NCK2: variants seen among roughly 807,000 people sequenced by gnomAD.
The protein encoded by NCK2 is NCK adaptor protein 2.
NCK2 carries 16 observed loss-of-function variants against 33.9 expected under a neutral mutation model. That is an observed-to-expected ratio of 0.47 (90% CI 0.32 to 0.72). The LOEUF is 0.72. Among genes scored for constraint, NCK2 ranks in the 30% least tolerant of loss-of-function variants. The pLI is 0.03. For missense variants in NCK2, 418 were observed against 537.3 expected, an observed-to-expected ratio of 0.78 and a Z score of 2.19; for synonymous variants, 273 against 239.9, an observed-to-expected ratio of 1.14 and a Z score of -1.27.
At chr2:105,789,990 A>G (rs1042651494) in intron 1 of NCK2, among the ~76,000 whole-genome samples, 6 of 152,238 alleles carry the variant, frequency 3.9e-5, no homozygotes, top group African/African-American at 1.4e-4. Flanking sequence ...ATCAGAGTCC[A>G]ACACTAGCGT....
At chr2:105,876,463 A>G (rs1176641178) in intron 3 of NCK2, among the ~76,000 whole-genome samples, 2 of 152,192 alleles carry the variant, frequency 1.3e-5, no homozygotes, top group African/African-American at 4.8e-5. Context: ...GGCTCCAGGG[A>G]CATGCTAGCG....
chr2:105,867,787 C>A (rs1007251289), intron 3 of NCK2, among the ~76,000 whole-genome samples: 6 of 152,204 alleles, frequency 3.9e-5, no homozygotes, highest in Admixed American at 2.0e-4. Flanking sequence ...GATGATCTCA[C>A]CCTGCTTCAG....
chr2:105,784,439 A>T (rs1455031044), intron 1 of NCK2, among the ~76,000 whole-genome samples: 3 of 152,228 alleles, frequency 2.0e-5, no homozygotes, highest in African/African-American at 7.2e-5. Context: ...ACAGCCTTTC[A>T]GGCTAGTAAG....
At chr2:105,859,286 G>T (rs1677419383) in intron 3 of NCK2, among the ~76,000 whole-genome samples, 1 of 152,094 alleles carries the variant, frequency 6.6e-6, no homozygotes, top group Non-Finnish European at 1.5e-5. Flanking sequence ...AGGCTTAAGG[G>T]CTGACTCACA....
chr2:105,835,405 A>ATATATATATATG (rs70953537), intron 2 of NCK2, among the ~76,000 whole-genome samples: 3 of 37,960 alleles, frequency 7.9e-5, no homozygotes, highest in African/African-American at 2.0e-4. Flanking sequence ...ATATATATAT[A>ATATATATATATG]CGTGTATATA....
At chr2:105,795,421 T>G (rs541823514) in intron 1 of NCK2, among the ~76,000 whole-genome samples, 29 of 152,264 alleles carry the variant, frequency 1.9e-4, no homozygotes, top group African/African-American at 2.2e-4. Flanking sequence ...TGAGTTAAAC[T>G]GAATGGGCCT....
At chr2:105,873,667 T>G (rs192947412) in intron 3 of NCK2, among the ~76,000 whole-genome samples, 34 of 152,126 alleles carry the variant, frequency 2.2e-4, no homozygotes, top group Non-Finnish European at 3.1e-4. Flanking sequence ...TTTTATTTTT[T>G]GGGGGCTCTT....
chr2:105,760,640 G>A (rs1203404325), intron 1 of NCK2, among the ~76,000 whole-genome samples: 1 of 152,042 alleles, frequency 6.6e-6, no homozygotes, highest in Non-Finnish European at 1.5e-5. Flanking sequence ...TTTGCTTTCT[G>A]GATAACTTCA....
At chr2:105,750,149 C>G (rs995273187) in intron 1 of NCK2, among the ~76,000 whole-genome samples, 1 of 151,766 alleles carries the variant, frequency 6.6e-6, no homozygotes, top group Non-Finnish European at 1.5e-5. Flanking sequence ...TCCATGACCC[C>G]GGGGCCGGCA....
rs778640285 is a variant in NCK2 at position 105,881,882 on chromosome 2, C to G, written c.781C>G (p.Leu261Val). The G allele has an allele frequency of 6.3e-7, 1 of 1,575,906 alleles. No individual in the cohort carries two copies. The highest frequency in any genetic ancestry group is 8.6e-7 in the Non-Finnish European group (1 of 1,161,396). The stretch of plus-strand genomic sequence containing the variant: ...GGTGGTCCTCAGTGACGGGCCTGCC[C>G]TGCACCCTGCGCACGCCCCACAGAT... ...YVVVLSDGPA[L>V]HPAHAPQISY... is the part of the protein sequence containing the mutation. Residue 261 changes from leucine (L) to valine (V), a missense_variant, in exon 4 of 5, where the codon CTG (leucine) becomes GTG (valine). Physicochemically the swap from Leu to Val is conservative, Grantham distance 32. Transcript: ENST00000233154.
intron 1 of NCK2, among the ~76,000 whole-genome samples, chr2:105,802,386 A>G (rs1674873911): frequency 6.6e-6 from 1 of 152,178 alleles, no homozygotes; most frequent in Non-Finnish European, 1.5e-5. Flanking sequence ...TGTTTGCATT[A>G]CTGTAAAGGA....
At chr2:105,830,774 T>C (rs1310419325) in intron 2 of NCK2, among the ~76,000 whole-genome samples, 1 of 151,888 alleles carries the variant, frequency 6.6e-6, no homozygotes, top group Non-Finnish European at 1.5e-5. Flanking sequence ...TTGATTTGCA[T>C]TTCTCTGATG....
intron 1 of NCK2, among the ~76,000 whole-genome samples, chr2:105,760,743 G>A (rs1009975390): frequency 6.6e-6 from 1 of 152,108 alleles, no homozygotes; most frequent in Non-Finnish European, 1.5e-5. Flanking sequence ...GGCCAGAGTA[G>A]GGAGGTCCCT....
intron 2 of NCK2, among the ~76,000 whole-genome samples, chr2:105,825,612 C>T (rs1327240650): frequency 6.6e-6 from 1 of 152,190 alleles, no homozygotes; most frequent in Non-Finnish European, 1.5e-5. Flanking sequence ...AGAGAAATCA[C>T]ATAGCAATGT....
At chr2:105,888,169 G>T (rs1418978186) in intron 4 of NCK2, among the ~76,000 whole-genome samples, 1 of 152,166 alleles carries the variant, frequency 6.6e-6, no homozygotes, top group Non-Finnish European at 1.5e-5. Flanking sequence ...ATTGTCCTTA[G>T]ATTCCACTTG....
At chr2:105,765,202 G>A (rs1016270278) in intron 1 of NCK2, among the ~76,000 whole-genome samples, 1 of 152,120 alleles carries the variant, frequency 6.6e-6, no homozygotes, top group Non-Finnish European at 1.5e-5. Flanking sequence ...AGTGTAAATG[G>A]TCCCTCCATA....
intron 1 of NCK2, among the ~76,000 whole-genome samples, chr2:105,810,120 G>A (rs1482724252): frequency 6.6e-6 from 1 of 152,196 alleles, no homozygotes; most frequent in Admixed American, 6.5e-5. Flanking sequence ...TGCAGTGATA[G>A]AAACAGGGAA....
chr2:105,869,351 C>T (rs1010540627), intron 3 of NCK2, among the ~76,000 whole-genome samples: 7 of 152,196 alleles, frequency 4.6e-5, no homozygotes, highest in Non-Finnish European at 8.8e-5. Flanking sequence ...GTCAACACCC[C>T]GCTGAGTGCC....
chr2:105,813,706 A>G (rs1449889679), intron 1 of NCK2, among the ~76,000 whole-genome samples: 1 of 152,242 alleles, frequency 6.6e-6, no homozygotes, highest in African/African-American at 2.4e-5. Context: ...ACTGCAGCTA[A>G]GTGCTGCTGA....
Sources: allele counts gnomAD v4.1 joint callset (sites outside exome capture counted in the v4.1 genomes callset), GRCh38; gene constraint gnomAD v4.1.1; transcripts MANE v1.5; gene names NCBI Gene and HGNC (gene_info 2026-07-23, HGNC 2026-07-21).